The following RP1 variants were observed in gnomAD, a reference collection of about 807,000 sequenced individuals.
RP1 encodes oxygen-regulated protein 1.
Under a neutral mutation model 14.8 loss-of-function variants are expected in RP1, and 16 were observed. The observed-to-expected ratio is 1.08, with a 90% CI of 0.73 to 1.65. The LOEUF (loss-of-function observed/expected upper bound fraction) is 1.65, where lower values mean the gene tolerates loss of function less well. RP1 is among the 40% of genes most tolerant of loss of function. The probability of loss-of-function intolerance (pLI) is 0.00; values close to 1 mark genes in which losing one functional copy is unlikely to be tolerated. For missense variants in RP1, 2,631 were observed against 2,535.0 expected (o/e 1.04, Z -0.81); for synonymous variants, 876 against 883.6 (o/e 0.99, Z 0.15).
At chr8:54,740,993 AC>A (rs1327833455) in intron 19 of RP1, among the ~76,000 whole-genome samples, 2 of 151,440 alleles carry the variant, frequency 1.3e-5, no homozygotes, top group African/African-American at 4.8e-5. Context: ...CTGAGATTGC[AC>A]CATTGCACTC....
At position 54,644,753 on chromosome 8, in the gene RP1, G is replaced by A. The variant is rs1806514468; in HGVS notation, c.788-4232G>A. Among the ~76,000 whole-genome samples the A allele has an allele frequency of 2.0e-5, 3 of 152,184 alleles. No individual in the cohort carries two copies. The South Asian group carries it at 6.2e-4, about 31-fold the overall frequency. ...CATAAATTGGTGCCTTCAAACAACA[G>A]AATTTATTCATTCATAGTTCTGTTG... On this transcript the variant is annotated intron_variant, in intron 3 of 22. Coordinates refer to the RP1 transcript ENST00000636932.
Position 54,625,848 on chromosome 8 carries a change from A to C in RP1, c.1966A>C (p.Lys656Gln). The change falls in exon 4 of 4, where the codon AAA (lysine) becomes CAA (glutamine). Residue 656 changes from lysine (K) to glutamine (Q), a missense_variant. Lys to Gln is a moderately conservative substitution (Grantham distance 53, BLOSUM62 1). Transcript: ENST00000220676. ...INEFAQCGLTKLPKNEKKILS... is the reference protein window; with the variant it reads ...INEFAQCGLTQLPKNEKKILS... ...TGAATTTGCTCAGTGTGGTTTAACA[A>C]AACTTCCAAAAAATGAAAAGAAGAT... 1 of 1,613,600 alleles carries C rather than the reference A, an allele frequency of 6.2e-7. No individual in the cohort carries two copies. Among genetic ancestry groups the C allele is most frequent in the African/African-American group, 1.3e-5 (1 of 75,046 alleles).
chr8:54,623,792 T>C (rs1805947146), intron 3 of RP1, among the ~76,000 whole-genome samples: 1 of 152,226 alleles, frequency 6.6e-6, no homozygotes, highest in Admixed American at 6.5e-5. Flanking sequence ...AATCATAAAA[T>C]GTTTCTGCTT....
At chr8:54,725,978 T>C (rs1466406339) in intron 16 of RP1, among the ~76,000 whole-genome samples, 6 of 152,196 alleles carry the variant, frequency 3.9e-5, no homozygotes, top group Admixed American at 2.6e-4. Context: ...GAAATCCTGT[T>C]TGAATGACGT....
At position 54,625,800 on chromosome 8, in the gene RP1, G is replaced by A. The variant is rs1450045233; in HGVS notation, c.1918G>A (p.Ala640Thr). Residue 640 changes from alanine (A) to threonine (T), a missense_variant, in exon 4 of 4, where the codon GCA (alanine) becomes ACA (threonine). Ala to Thr is a moderately conservative substitution (Grantham distance 58). Coordinates refer to ENST00000220676, the MANE Select transcript of RP1 (RefSeq NM_006269.2). ...TTCAGAAGCATCCTCTACTGTCACTGCAAGAATTGACAGACTAATTAATGA... is the reference window on the plus strand; with the variant it reads ...TTCAGAAGCATCCTCTACTGTCACTACAAGAATTGACAGACTAATTAATGA... ...PASEASSTVT[A>T]RIDRLINEFA... 1 of 1,613,356 alleles carries A rather than the reference G, an allele frequency of 6.2e-7. No homozygotes were observed. Among genetic ancestry groups the A allele is most frequent in the Admixed American group, 1.7e-5 (1 of 60,014 alleles).
intron 19 of RP1, among the ~76,000 whole-genome samples, chr8:54,752,726 T>C (rs1403843381): frequency 2.0e-5 from 3 of 152,094 alleles, no homozygotes; most frequent in African/African-American, 7.2e-5. Flanking sequence ...ACTGGGACCA[T>C]GTAGACACAC....
At chr8:54,606,459 T>C (rs1019192870) in intron 1 of RP1, among the ~76,000 whole-genome samples, 1 of 152,076 alleles carries the variant, frequency 6.6e-6, no homozygotes, top group Non-Finnish European at 1.5e-5. Context: ...GACCTTTCTC[T>C]CTGGCTGCCC....
At chr8:54,832,514 CATT>C (rs773911673) in intron 24 of RP1, among the ~76,000 whole-genome samples, 66 of 151,886 alleles carry the variant, frequency 4.3e-4, no homozygotes, top group Middle Eastern at 3.4e-3. Context: ...TCTCTTTACT[CATT>C]ATATTCCTCT....
chr8:54,700,875 A>G (rs1375092127), intron 13 of RP1, among the ~76,000 whole-genome samples: 2 of 152,124 alleles, frequency 1.3e-5, no homozygotes, highest in Non-Finnish European at 2.9e-5. Flanking sequence ...TTGCAGATCA[A>G]TAGCTCTGCC....
rs923824965 is a variant in RP1, at chr8:54,625,045, C to T, written c.1163C>T (p.Ser388Phe). 1 of 1,614,194 alleles carries T rather than the reference C, an allele frequency of 6.2e-7. No homozygotes were observed. The highest frequency in any genetic ancestry group is 2.2e-5 in the East Asian group (1 of 44,876). ...SGLKLAACSF[S>F]ADVSPMERSS... is the part of the protein sequence containing the mutation. The stretch of plus-strand genomic sequence containing the variant: ...TTAAAGCTTGCAGCATGTTCATTCT[C>T]TGCAGATGTGTCACCTATGGAGCGA... Residue 388 changes from serine (S) to phenylalanine (F), a missense_variant, in exon 4 of 4, where the codon TCT (serine) becomes TTT (phenylalanine). Coordinates refer to ENST00000220676, the MANE Select transcript of RP1 (RefSeq NM_006269.2).
intron 16 of RP1, among the ~76,000 whole-genome samples, chr8:54,720,575 A>C (rs1178428533): frequency 6.6e-6 from 1 of 152,208 alleles, no homozygotes; most frequent in Non-Finnish European, 1.5e-5. Context: ...GTCTGTGTAC[A>C]TGTGCATGTT....
At chr8:54,634,571 A>G (rs1329033274), downstream of RP1, among the ~76,000 whole-genome samples, 1 of 152,196 alleles carries the variant, frequency 6.6e-6, no homozygotes, top group Non-Finnish European at 1.5e-5. Flanking sequence ...TTTTTTCCTA[A>G]AAGGGTTTAT....
At chr8:54,863,849 T>C (rs535832327) in intron 27 of RP1, among the ~76,000 whole-genome samples, 2 of 152,208 alleles carry the variant, frequency 1.3e-5, no homozygotes, top group East Asian at 1.9e-4. Context: ...ATGCACATTC[T>C]CATCAGCAAC....
chr8:54,658,499 C>T (rs926763093), intron 6 of RP1, among the ~76,000 whole-genome samples: 5 of 138,256 alleles, frequency 3.6e-5, no homozygotes, highest in African/African-American at 1.1e-4. Context: ...TGCAGTGAGC[C>T]GAGATCCCGC....
At chr8:54,843,697 G>A (rs577786305) in intron 25 of RP1, among the ~76,000 whole-genome samples, 56 of 152,224 alleles carry the variant, frequency 3.7e-4, no homozygotes, top group African/African-American at 1.3e-3. Context: ...GTTTATCTTC[G>A]GGAAGTTTGG....
intron 3 of RP1, among the ~76,000 whole-genome samples, chr8:54,646,097 A>G (rs577783807): frequency 1.3e-4 from 20 of 151,918 alleles, no homozygotes; most frequent in Non-Finnish European, 2.4e-4. Flanking sequence ...GTCTATTCAC[A>G]TTTTTTCTCC....
At chr8:54,696,069 T>G (rs1807852496) in intron 12 of RP1, among the ~76,000 whole-genome samples, 1 of 152,150 alleles carries the variant, frequency 6.6e-6, no homozygotes. Context: ...ATTCTATAGT[T>G]AACCTCTGCA....
chr8:54,673,245 T>C (rs951482297), intron 7 of RP1, among the ~76,000 whole-genome samples: 2 of 152,218 alleles, frequency 1.3e-5, no homozygotes, highest in Non-Finnish European at 2.9e-5. Flanking sequence ...TGAAACATAA[T>C]ACACTATACA....
intron 1 of RP1, among the ~76,000 whole-genome samples, chr8:54,564,248 C>A (rs1036033403): frequency 1.3e-5 from 2 of 151,980 alleles, no homozygotes; most frequent in Non-Finnish European, 2.9e-5. Context: ...CTGAGGATGC[C>A]ACTAAAAAGA....
Sources: allele counts gnomAD v4.1 joint callset (sites outside exome capture counted in the v4.1 genomes callset), GRCh38; gene constraint gnomAD v4.1.1; transcripts MANE v1.5; gene names NCBI Gene and HGNC (gene_info 2026-07-23, HGNC 2026-07-21).